Variants in SLC39A11 observed in about 807,000 individuals in gnomAD.
SLC39A11 encodes solute carrier family 39 member 11.
In SLC39A11, 33 loss-of-function variants were observed where a neutral mutation model predicts 36.1. The ratio of observed to expected loss-of-function variants is 0.91; its 90% confidence interval spans 0.69 to 1.22. The LOEUF (loss-of-function observed/expected upper bound fraction) is 1.22. Ranked by LOEUF, SLC39A11 falls within the 50% of genes most tolerant of loss-of-function variation. The pLI is 0.00. For synonymous variants in SLC39A11, 166 were observed against 170.3 expected, an observed-to-expected ratio of 0.97 and a Z score of 0.20; for missense variants, 432 against 430.3, an observed-to-expected ratio of 1.00 and a Z score of -0.03.
chr17:72,853,519 C>T (rs11077641), intron 5 of SLC39A11, among the ~76,000 whole-genome samples: 61,755 of 151,652 alleles, frequency 0.41, 14,873 homozygotes, highest in Non-Finnish European at 0.53. Context: ...GGACGCACCA[C>T]GAGCAAATTC....
intron 6 of SLC39A11, among the ~76,000 whole-genome samples, chr17:72,808,288 A>G (rs2077325810): frequency 6.6e-6 from 1 of 152,228 alleles, no homozygotes; most frequent in Non-Finnish European, 1.5e-5. Context: ...CTGCCTTTGC[A>G]AAGAATATGA....
chr17:73,060,363 T>C (rs2059806181), intron 3 of SLC39A11, among the ~76,000 whole-genome samples: 1 of 152,126 alleles, frequency 6.6e-6, no homozygotes, highest in Admixed American at 6.6e-5. Flanking sequence ...TCACGTTGTC[T>C]TTATCAGGTT....
intron 7 of SLC39A11, among the ~76,000 whole-genome samples, chr17:72,675,028 G>T (rs12103732): frequency 0.18 from 27,301 of 152,032 alleles, 2,978 homozygotes; most frequent in Middle Eastern, 0.26. Flanking sequence ...GAAAGAGAGA[G>T]AGAAAGTTTA....
intron 4 of SLC39A11, among the ~76,000 whole-genome samples, chr17:72,968,646 C>G (rs2087196530): frequency 1.3e-5 from 2 of 152,148 alleles, no homozygotes; most frequent in South Asian, 4.2e-4. Context: ...TCCTCCCCGA[C>G]CGCCCATCAG....
intron 4 of SLC39A11, among the ~76,000 whole-genome samples, chr17:72,996,306 G>A (rs988484332): frequency 2.0e-5 from 3 of 152,282 alleles, no homozygotes; most frequent in Admixed American, 6.5e-5. Flanking sequence ...GTGCGTCCAC[G>A]TTCTTCCCAT....
At chr17:72,991,226 T>C (rs1301717189) in intron 4 of SLC39A11, among the ~76,000 whole-genome samples, 2 of 152,236 alleles carry the variant, frequency 1.3e-5, no homozygotes, top group African/African-American at 2.4e-5. Context: ...TTTTACACTT[T>C]TAATACCATG....
At chr17:72,947,512 CA>C in intron 5 of SLC39A11, 2 of 576,326 alleles carry the variant, frequency 3.5e-6, no homozygotes, top group Non-Finnish European at 6.1e-6. Flanking sequence ...AAAAGATGAT[CA>C]AAAGGTACCG....
intron 5 of SLC39A11, among the ~76,000 whole-genome samples, chr17:72,878,367 G>A (rs1418711035): frequency 2.0e-5 from 3 of 152,138 alleles, no homozygotes; most frequent in African/African-American, 4.8e-5. Flanking sequence ...GCCCATTAGG[G>A]TATTGTCTTC....
At chr17:72,792,894 G>A (rs1215089541) in intron 6 of SLC39A11, among the ~76,000 whole-genome samples, 1 of 152,150 alleles carries the variant, frequency 6.6e-6, no homozygotes. Flanking sequence ...ACTAGCATAT[G>A]GCACTGACTC....
At chr17:72,660,468 T>C (rs1388838715) in intron 7 of SLC39A11, among the ~76,000 whole-genome samples, 1 of 152,194 alleles carries the variant, frequency 6.6e-6, no homozygotes. Flanking sequence ...GTTAAATAAC[T>C]GGCCCTGAAG....
chr17:72,736,702 C>A lies in SLC39A11; in HGVS notation c.619G>T (p.Val207Phe). 6.2e-7 allele frequency: 1 copy of A among 1,614,082 alleles called. No individual in the cohort carries two copies. The highest frequency in any genetic ancestry group is 8.5e-7 in the Non-Finnish European group (1 of 1,179,950). Residue 207 changes from valine (V) to phenylalanine (F), a missense_variant, in exon 7 of 10, where the codon GTT becomes TTT. By Grantham distance (50) the Val-to-Phe change is conservative (BLOSUM62 -1). Coordinates refer to ENST00000255559, the MANE Select transcript of SLC39A11 (RefSeq NM_139177.4). ...HNVPEGLAVG[V>F]GFGAIEKTAS... ...GTCTTTTCTATAGCCCCAAATCCAA[C>A]TCCAACAGCGAGACCCTCTGAAATA...
Position 73,081,634 on chromosome 17 carries a change from C to T in SLC39A11, c.147+3174G>A, listed in dbSNP as rs71381080. On this transcript the variant is annotated intron_variant, in intron 3 of 9. Coordinates refer to ENST00000255559, the MANE Select transcript of SLC39A11 (RefSeq NM_139177.4). The stretch of plus-strand genomic sequence containing the variant: ...TGATATATATATATATATATACATA[C>T]ACACACACACACACACACACACACA... 4.7e-3 allele frequency among the ~76,000 whole-genome samples: 87 copies of T among 18,528 alleles called. 2 individuals are homozygous for T. The highest frequency in any genetic ancestry group is 0.047 in the East Asian group (39 of 836). 12.2% of individuals were successfully genotyped at this position (18,528 alleles called of 152,430 possible).
intron 6 of SLC39A11, among the ~76,000 whole-genome samples, chr17:72,771,864 G>A (rs1014300769): frequency 1.3e-5 from 2 of 152,178 alleles, no homozygotes; most frequent in Admixed American, 1.3e-4. Flanking sequence ...AAATGGAGAT[G>A]GTGTTAAAGA....
At chr17:72,765,751 A>G (rs1191458183) in intron 6 of SLC39A11, among the ~76,000 whole-genome samples, 1 of 152,214 alleles carries the variant, frequency 6.6e-6, no homozygotes, top group Admixed American at 6.5e-5. Flanking sequence ...GCTGGTAACA[A>G]CATGTTTTGT....
intron 4 of SLC39A11, among the ~76,000 whole-genome samples, chr17:72,996,155 C>T (rs1223283419): frequency 1.3e-5 from 2 of 152,114 alleles, no homozygotes; most frequent in African/African-American, 4.8e-5. Context: ...CCACCACTGC[C>T]TACAGGATAA....
intron 5 of SLC39A11, among the ~76,000 whole-genome samples, chr17:72,944,317 T>TG (rs2085291092): frequency 6.6e-6 from 1 of 152,130 alleles, no homozygotes; most frequent in African/African-American, 2.4e-5. Context: ...CATATTTAAA[T>TG]GGGGAAATTA....
At chr17:72,758,841 A>T (rs1598605287) in intron 6 of SLC39A11, among the ~76,000 whole-genome samples, 1 of 152,206 alleles carries the variant, frequency 6.6e-6, no homozygotes, top group Middle Eastern at 3.2e-3. Flanking sequence ...GTATACGCCA[A>T]CCGGAACATT....
At chr17:72,992,127 G>A (rs1376985063) in intron 4 of SLC39A11, among the ~76,000 whole-genome samples, 2 of 152,150 alleles carry the variant, frequency 1.3e-5, no homozygotes, top group African/African-American at 4.8e-5. Flanking sequence ...TGAGGCAGAT[G>A]GATCACCTGA....
intron 4 of SLC39A11, among the ~76,000 whole-genome samples, chr17:73,005,703 C>T (rs1219555753): frequency 6.6e-6 from 1 of 152,192 alleles, no homozygotes; most frequent in Non-Finnish European, 1.5e-5. Flanking sequence ...AATCCCAACA[C>T]TTTGGAAGGC....
Sources: gnomAD v4.1 joint callset for allele counts (sites outside exome capture counted in the v4.1 genomes callset) on GRCh38, gnomAD v4.1.1 for gene constraint, MANE v1.5 for transcripts, NCBI Gene and HGNC (gene_info 2026-07-23, HGNC 2026-07-21) for gene names.